ABHD18: variants seen among roughly 807,000 people sequenced by gnomAD.
The protein encoded by ABHD18 is abhydrolase domain containing 18.
In ABHD18, 55 loss-of-function variants were observed where a neutral mutation model predicts 65.9. The ratio of observed to expected loss-of-function variants is 0.84; its 90% confidence interval spans 0.67 to 1.05. The LOEUF is 1.05. ABHD18 is among the 50% of genes least tolerant of loss of function. ABHD18 has a pLI of 0.00. For missense variants in ABHD18, 533 were observed against 558.5 expected (o/e 0.95, Z 0.46); for synonymous variants, 181 against 180.2 (o/e 1.00, Z -0.04).
Position 128,030,548 on chromosome 4 carries a change from A to G in ABHD18, c.1219A>G (p.Lys407Glu). The change falls in exon 12 of 13, where the codon AAA (lysine) becomes GAA (glutamate). Residue 407 changes from lysine (K) to glutamate (E), a missense_variant. Lys to Glu is a moderately conservative substitution (Grantham distance 56). This residue lies in a region of ABHD18 where 220 missense variants were observed against 226.8 expected (regional missense o/e 0.97). Coordinates refer to ENST00000645843, the MANE Select transcript of ABHD18 (RefSeq NM_001358451.3). Reference sequence around the variant, plus strand: ...AAGCCTCATTATAGTGGTTCAAGCCAAAGAAGATGCCTATATTCCACGAAC... The same window carrying G: ...AAGCCTCATTATAGTGGTTCAAGCCGAAGAAGATGCCTATATTCCACGAAC... ...DPSLIIVVQAKEDAYIPRTGV... is the reference protein window; with the variant it reads ...DPSLIIVVQAEEDAYIPRTGV... The G allele has an allele frequency of 2.5e-6, 4 of 1,600,794 alleles. No individual in the cohort carries two copies. The highest frequency in any genetic ancestry group is 2.3e-5 in the South Asian group (2 of 87,806).
chr4:128,035,767 C>G lies in ABHD18; in HGVS notation c.1349C>G (p.Ala450Gly). ...YLFKQGLFRQ[A>G]IYDAFDRFLH... The stretch of plus-strand genomic sequence containing the variant: ...TCTTTCATATTTAATTTTAGACAAG[C>G]CATCTATGATGCATTTGACCGCTTC... Residue 450 changes from alanine to glycine, a missense_variant, in exon 13 of 13, where the codon GCC (alanine) becomes GGC (glycine). Ala to Gly is a moderately conservative substitution (Grantham distance 60, BLOSUM62 0). This residue lies in a region of ABHD18 where 220 missense variants were observed against 226.8 expected (regional missense o/e 0.97). Transcript: ENST00000645843. 2.6e-6 allele frequency: 4 copies of G among 1,526,486 alleles called. No individual in the cohort carries two copies. Among genetic ancestry groups the G allele is most frequent in the Non-Finnish European group, 3.5e-6 (4 of 1,128,990 alleles). 94.6% of individuals were successfully genotyped at this position (1,526,486 alleles called of 1,614,324 possible).
intron 1 of ABHD18, among the ~76,000 whole-genome samples, chr4:127,968,888 A>C (rs555983144): frequency 6.6e-6 from 1 of 152,080 alleles, no homozygotes; most frequent in Non-Finnish European, 1.5e-5. Context: ...TCATGGTGGC[A>C]CTAGATACCC....
Position 127,968,780 on chromosome 4 carries a change from C to G in ABHD18, c.-18+3174C>G, listed in dbSNP as rs1451507716. Among the ~76,000 whole-genome samples the G allele has an allele frequency of 4.6e-5, 7 of 152,226 alleles. 1 individual carries two copies. In the East Asian group the frequency reaches 1.4e-3, roughly 29 times the overall value. ...AGAAGCTCATTGTTGTCTGTCCAGC[C>G]TGAAGTGGGGACTTTTAAGTATCTG... On this transcript the variant is annotated intron_variant, in intron 1 of 12. Coordinates refer to ENST00000645843, the MANE Select transcript of ABHD18 (RefSeq NM_001358451.3).
chr4:127,979,064 A>G (rs1748493658), intron 1 of ABHD18, among the ~76,000 whole-genome samples: 1 of 152,234 alleles, frequency 6.6e-6, no homozygotes. Context: ...GCTAAATGTG[A>G]ACAACCTACA....
At chr4:127,978,601 G>A (rs1748413205) in intron 1 of ABHD18, among the ~76,000 whole-genome samples, 1 of 152,100 alleles carries the variant, frequency 6.6e-6, no homozygotes, top group South Asian at 2.1e-4. Context: ...TTTTCAAAGA[G>A]CTGTTTAAGT....
At chr4:128,013,977 C>CTTTTTTTTTTTTTTTTTTTTTTTTT (rs61303818) in intron 7 of ABHD18, among the ~76,000 whole-genome samples, 1 of 115,122 alleles carries the variant, frequency 8.7e-6, no homozygotes, top group Non-Finnish European at 1.8e-5. Flanking sequence ...GAATTTCCAC[C>CTTTTTTTTTTTTTTTTTTTTTTTTT]TTTTTTTTTT....
intron 1 of ABHD18, among the ~76,000 whole-genome samples, chr4:127,969,983 G>C (rs114974322): frequency 2.0e-5 from 3 of 151,696 alleles, no homozygotes; most frequent in African/African-American, 7.3e-5. Context: ...TCCTGGGCCC[G>C]AGCAGTCCTC....
In ABHD18 at chr4:128,032,858, T is replaced by A. The variant is rs980462281; in HGVS notation, c.1343+2186T>A. Among the ~76,000 whole-genome samples the A allele has an allele frequency of 9.2e-5, 14 of 152,330 alleles. No individual in the cohort carries two copies. In the East Asian group the frequency reaches 2.7e-3, roughly 29 times the overall value. On this transcript the variant is annotated intron_variant, in intron 12 of 12. Transcript: ENST00000645843. ...TGATTAAAAAGGGACATACATTACA[T>A]GTACACAAGCCCGTATTGTAACTTT...
At chr4:127,981,275 T>C (rs989796203) in intron 1 of ABHD18, among the ~76,000 whole-genome samples, 9 of 152,232 alleles carry the variant, frequency 5.9e-5, no homozygotes, top group Non-Finnish European at 1.3e-4. Flanking sequence ...AATCCCATTG[T>C]AGGTCGAGGA....
chr4:128,027,957 T>G (rs1757626940), intron 10 of ABHD18, among the ~76,000 whole-genome samples: 1 of 152,226 alleles, frequency 6.6e-6, no homozygotes. Flanking sequence ...AATACATCTT[T>G]GTTTTTTAAA....
intron 3 of ABHD18, among the ~76,000 whole-genome samples, chr4:127,988,677 T>G (rs532214974): frequency 6.6e-6 from 1 of 152,314 alleles, no homozygotes; most frequent in African/African-American, 2.4e-5. Flanking sequence ...AAAAAAATGC[T>G]CAGCATCACT....
intron 1 of ABHD18, among the ~76,000 whole-genome samples, chr4:127,980,170 C>T (rs914948812): frequency 3.3e-5 from 5 of 152,070 alleles, no homozygotes; most frequent in African/African-American, 1.2e-4. Context: ...GGGCTTTATC[C>T]TCATGGATGG....
intron 10 of ABHD18, among the ~76,000 whole-genome samples, chr4:128,025,640 T>C (rs1757229397): frequency 6.6e-6 from 1 of 152,248 alleles, no homozygotes; most frequent in Non-Finnish European, 1.5e-5. Context: ...TGTAAATTCC[T>C]AGAAATATGA....
In ABHD18 at chr4:128,039,799, G is replaced by A. The variant is rs1397402482; in HGVS notation, c.*3986G>A. 6.6e-6 allele frequency: 1 copy of A among 151,972 alleles called. No homozygotes were observed. Among genetic ancestry groups the A allele is most frequent in the African/African-American group, 2.4e-5 (1 of 41,370 alleles). The allele number at this position is 151,972 out of a possible 1,614,324, so 9.4% of individuals were successfully genotyped here. A position where few individuals can be genotyped will look rare whatever the true frequency, so the allele number is the denominator to read the frequency against. On this transcript the variant is annotated 3_prime_UTR_variant, in exon 13 of 13. Coordinates refer to ENST00000645843, the MANE Select transcript of ABHD18 (RefSeq NM_001358451.3). ...TAATGTACCCAAACTTGAACTGAGT[G>A]TATATGTTCCCTCTTTGTTATTATG...
chr4:128,023,757 G>A (rs552119436), intron 10 of ABHD18, among the ~76,000 whole-genome samples: 58 of 152,258 alleles, frequency 3.8e-4, no homozygotes, highest in African/African-American at 1.4e-3. Context: ...GCAGGCAGGC[G>A]CCTGCAGTCC....
rs1759151028 is a variant in ABHD18, at chr4:128,039,184, T to TAA, written c.*3372_*3373dup. On this transcript the variant is annotated 3_prime_UTR_variant, in exon 13 of 13. Transcript: ENST00000645843. Reference sequence around the variant, plus strand: ...ATATATATATATATATATATATATATAATCTCAAAGAAGTGCGGTCTGCCA... The same window carrying TAA: ...ATATATATATATATATATATATATATAAAATCTCAAAGAAGTGCGGTCTGCCA... The TAA allele has an allele frequency of 2.4e-5, 3 of 125,484 alleles. No homozygotes were observed. The highest frequency in any genetic ancestry group is 3.3e-5 in the Non-Finnish European group (2 of 60,118). The allele number at this position is 125,484 out of a possible 1,614,324, so 7.8% of individuals were successfully genotyped here. A position where few individuals can be genotyped will look rare whatever the true frequency, so the allele number is the denominator to read the frequency against.
chr4:127,973,817 C>CAAA lies in ABHD18; in HGVS notation c.-18+8237_-18+8239dup, dbSNP rs57170719. Among the ~76,000 whole-genome samples, 150 of 16,626 alleles carry CAAA rather than the reference C, an allele frequency of 9.0e-3. 10 individuals are homozygous for CAAA. Among genetic ancestry groups the CAAA allele is most frequent in the African/African-American group, 0.017 (99 of 5,842 alleles). 10.9% of individuals were successfully genotyped at this position (16,626 alleles called of 152,430 possible). A position where few individuals can be genotyped will look rare whatever the true frequency, so the allele number is the denominator to read the frequency against. ...AGGCTGGCCTCTGGCTGATGAACAGCAAAAAAAAAAAAAAAAAAAAAAAAA... is the reference window on the plus strand; with the variant it reads ...AGGCTGGCCTCTGGCTGATGAACAGCAAAAAAAAAAAAAAAAAAAAAAAAAAAA... On this transcript the variant is annotated intron_variant, in intron 1 of 12. Transcript: ENST00000645843.
At chr4:127,982,889 C>T in intron 1 of ABHD18, 50 bp from the exon 2 acceptor site, 1 of 1,021,170 alleles carries the variant, frequency 9.8e-7, no homozygotes, top group Middle Eastern at 2.2e-4. Context: ...TGACCTGCTA[C>T]CTTGAAACAA....
chr4:127,979,633 C>T (rs1035939757), intron 1 of ABHD18, among the ~76,000 whole-genome samples: 25 of 150,064 alleles, frequency 1.7e-4, no homozygotes, highest in African/African-American at 4.4e-4. Context: ...TTAACAATGG[C>T]GGCCGGGCGC....
Sources: allele counts gnomAD v4.1 joint callset (sites outside exome capture counted in the v4.1 genomes callset), GRCh38; gene constraint gnomAD v4.1.1; regional missense constraint gnomAD v4.1.1; transcripts MANE v1.5; gene names NCBI Gene and HGNC (gene_info 2026-07-23, HGNC 2026-07-21).